The following PALD1 variants were observed in gnomAD, a reference collection of about 807,000 sequenced individuals.
PALD1 encodes phosphatase domain containing paladin 1.
In PALD1, 57 loss-of-function variants were observed where a neutral mutation model predicts 96.0. The ratio of observed to expected loss-of-function variants is 0.59; its 90% CI spans 0.48 to 0.74. PALD1 has a LOEUF of 0.74. PALD1 is among the 30% of genes least tolerant of loss of function. The probability of loss-of-function intolerance (pLI) is 0.00; values close to 1 mark genes in which losing one functional copy is unlikely to be tolerated. For synonymous variants in PALD1, 464 were observed against 473.6 expected (o/e 0.98, Z 0.26); for missense variants, 1,063 against 1,143.7 (o/e 0.93, Z 1.02).
intron 1 of PALD1, among the ~76,000 whole-genome samples, chr10:70,485,043 A>C (rs923440798): frequency 1.3e-5 from 2 of 152,194 alleles, no homozygotes; most frequent in African/African-American, 2.4e-5. Context: ...TGTACAAAGA[A>C]CTGTCTTTTC....
Position 70,550,938 on chromosome 10 carries a change from A to G in PALD1, c.2262+3492A>G, listed in dbSNP as rs1564708660. ...ATAATGTTGCTGTGAAAATTCATGT[A>G]CAAGTTTTTGTGTGAACGTATGTTT... On this transcript the variant is annotated intron_variant, in intron 18 of 19. Transcript: ENST00000263563. Among the ~76,000 whole-genome samples, 5 of 152,222 alleles carry G rather than the reference A, an allele frequency of 3.3e-5. No homozygotes were observed. In the South Asian group the frequency reaches 1.0e-3, roughly 32 times the overall value.
chr10:70,474,520 C>T (rs150378285), upstream of PALD1, among the ~76,000 whole-genome samples: 148 of 152,280 alleles, frequency 9.7e-4, no homozygotes, highest in African/African-American at 3.4e-3. Context: ...GAGATTGTGC[C>T]ACCACCACTG....
At chr10:70,524,653 A>G (rs111654933) in intron 1 of PALD1, among the ~76,000 whole-genome samples, 1,781 of 152,322 alleles carry the variant, frequency 0.012, 35 homozygotes, top group African/African-American at 0.04. Flanking sequence ...TTCGTGAGTT[A>G]AGGTGGGGCT....
chr10:70,504,028 A>C (rs1250186813), intron 1 of PALD1, among the ~76,000 whole-genome samples: 1 of 152,220 alleles, frequency 6.6e-6, no homozygotes, highest in African/African-American at 2.4e-5. Flanking sequence ...CCTTGGGGCA[A>C]GTTAACCCGG....
chr10:70,531,260 TGGCTTCCTTCCCCCTCG>T lies in PALD1; in HGVS notation c.469-25_469-9del, dbSNP rs778534524. The T allele has an allele frequency of 6.3e-7, 1 of 1,598,380 alleles. No individual in the cohort carries two copies. The highest frequency in any genetic ancestry group is 8.6e-7 in the Non-Finnish European group (1 of 1,168,214). Reference sequence around the variant, plus strand: ...AGGTGTCTGTGCGGGATCATGATGATGGCTTCCTTCCCCCTCGGGCTCCTGGCAGGAGTGTGTCATCT... The same window carrying T: ...AGGTGTCTGTGCGGGATCATGATGATGGCTCCTGGCAGGAGTGTGTCATCT... On this transcript the variant is annotated splice_polypyrimidine_tract_variant and intron_variant, in intron 4 of 19. Transcript: ENST00000263563.
At chr10:70,555,858 G>A (rs1483274425) in intron 18 of PALD1, among the ~76,000 whole-genome samples, 6 of 152,100 alleles carry the variant, frequency 3.9e-5, no homozygotes, top group South Asian at 4.1e-4. Flanking sequence ...AAAATTAGCC[G>A]CGCGAGGTGG....
intron 18 of PALD1, among the ~76,000 whole-genome samples, chr10:70,561,428 G>A (rs920684026): frequency 6.6e-6 from 1 of 152,232 alleles, no homozygotes; most frequent in Non-Finnish European, 1.5e-5. Context: ...AAGGATAGAA[G>A]CAGCCTAAGG....
At chr10:70,514,327 G>A (rs185917170) in intron 1 of PALD1, among the ~76,000 whole-genome samples, 72 of 152,352 alleles carry the variant, frequency 4.7e-4, no homozygotes, top group African/African-American at 1.5e-3. Context: ...GCAAAGGACT[G>A]CATTTCCACA....
chr10:70,554,025 C>T (rs1049607597), intron 18 of PALD1, among the ~76,000 whole-genome samples: 3 of 152,252 alleles, frequency 2.0e-5, no homozygotes, highest in Non-Finnish European at 2.9e-5. Context: ...CCCGACTTCA[C>T]GGGGCTGCAG....
At chr10:70,507,904 A>G (rs1216216902) in intron 1 of PALD1, among the ~76,000 whole-genome samples, 1 of 152,338 alleles carries the variant, frequency 6.6e-6, no homozygotes, top group East Asian at 1.9e-4. Flanking sequence ...CTTTGTGCCA[A>G]GCACAGGCCA....
At position 70,540,927 on chromosome 10, in the gene PALD1, T is replaced by G. The variant is rs1052310132; in HGVS notation, c.1909-175T>G. Among the ~76,000 whole-genome samples the G allele has an allele frequency of 1.4e-4, 22 of 152,224 alleles. No homozygotes were observed. Among genetic ancestry groups the G allele is most frequent in the African/African-American group, 5.1e-4 (21 of 41,456 alleles). On this transcript the variant is annotated intron_variant, in intron 15 of 19. Transcript: ENST00000263563. The surrounding 1 kb of genome is among the most constrained non-coding windows in gnomAD (Gnocchi z 4.2). ...TTACGACTGCACAGGTGCAGCTGTT[T>G]ACACGCACATGGTCTCATGCACCCC...
chr10:70,560,832 C>G (rs573393874), intron 18 of PALD1, among the ~76,000 whole-genome samples: 1 of 152,068 alleles, frequency 6.6e-6, no homozygotes, highest in African/African-American at 2.4e-5. Flanking sequence ...AAGCCTTGTC[C>G]GGCTCCACCA....
At chr10:70,537,374 G>C (rs1847135881) in intron 10 of PALD1, among the ~76,000 whole-genome samples, 1 of 152,232 alleles carries the variant, frequency 6.6e-6, no homozygotes, top group Non-Finnish European at 1.5e-5. Flanking sequence ...AACGTGCTGG[G>C]ACCACAGGCG....
intron 19 of PALD1, among the ~76,000 whole-genome samples, chr10:70,564,988 C>T (rs1458042688): frequency 1.3e-5 from 2 of 152,218 alleles, no homozygotes; most frequent in Non-Finnish European, 2.9e-5. Context: ...GACCAGTGAG[C>T]CAACTCCTCC....
At chr10:70,476,847 C>T (rs1845831367), upstream of PALD1, among the ~76,000 whole-genome samples, 2 of 151,942 alleles carry the variant, frequency 1.3e-5, no homozygotes, top group African/African-American at 4.8e-5. Context: ...GCCGTGGATC[C>T]CAGCATCTGC....
chr10:70,468,203 T>C, the PALD1 span, among the ~76,000 whole-genome samples: 1 of 151,904 alleles, frequency 6.6e-6, no homozygotes, highest in Admixed American at 6.6e-5. Flanking sequence ...TCTGTCGGAG[T>C]AGTTGCCTGT....
chr10:70,494,657 G>T (rs941676413), intron 1 of PALD1, among the ~76,000 whole-genome samples: 10 of 152,230 alleles, frequency 6.6e-5, no homozygotes, highest in Non-Finnish European at 1.3e-4. Context: ...CATTTGCACG[G>T]AAAGGATGGT....
intron 1 of PALD1, among the ~76,000 whole-genome samples, chr10:70,509,317 C>T (rs56289828): frequency 0.026 from 4,001 of 152,308 alleles, 162 homozygotes; most frequent in African/African-American, 0.089. Context: ...CTGTCTTGTA[C>T]TGTAGAGAAC....
chr10:70,541,393 C>G (rs1249867218), intron 16 of PALD1, 70 bp from the exon 17 acceptor site: 2 of 1,552,780 alleles, frequency 1.3e-6, no homozygotes, highest in East Asian at 4.5e-5. Context: ...GGGCAGCCCC[C>G]AAGTCCTCCC....
Sources: gnomAD v4.1 joint callset for allele counts (sites outside exome capture counted in the v4.1 genomes callset) on GRCh38, gnomAD v4.1.1 for gene constraint, Gnocchi (gnomAD v3.1) non-coding constraint, MANE v1.5 for transcripts, NCBI Gene and HGNC (gene_info 2026-07-23, HGNC 2026-07-21) for gene names.